Variants in SLC17A7 observed in about 807,000 individuals in gnomAD.
The protein encoded by SLC17A7 is vesicular glutamate transporter 1.
Under a neutral mutation model 59.1 loss-of-function variants are expected in SLC17A7, and 15 were observed. That is an observed-to-expected ratio of 0.25 (90% confidence interval 0.17 to 0.39). The LOEUF is 0.39. Among genes scored for constraint, SLC17A7 ranks in the 10% least tolerant of loss-of-function variants. SLC17A7 has a pLI of 1.00. For synonymous variants in SLC17A7, 353 were observed against 308.9 expected (o/e 1.14, Z -1.50); for missense variants, 499 against 765.1 (o/e 0.65, Z 4.10).
rs74182054 is a variant in SLC17A7, at chr19:49,431,458, C to CG, written c.1151-11dup. 3.4e-4 allele frequency: 542 copies of CG among 1,601,292 alleles called. No individual in the cohort carries two copies. Among genetic ancestry groups the CG allele is most frequent in the South Asian group, 1.0e-3 (92 of 90,418 alleles). ...GCTTCCATGCCGAAGCCTACGGGGGCGGGGGGGGCCCGCGTCTCCTGAGTG... is the reference window on the plus strand; with the variant it reads ...GCTTCCATGCCGAAGCCTACGGGGGCGGGGGGGGGCCCGCGTCTCCTGAGTG... On this transcript the variant is annotated splice_polypyrimidine_tract_variant and intron_variant, in intron 9 of 11. Coordinates refer to ENST00000221485, the MANE Select transcript of SLC17A7 (RefSeq NM_020309.4). This position sits in a 1 kb window ranked among gnomAD's most constrained non-coding sequence, Gnocchi z 4.6.
In SLC17A7 at chr19:49,436,951, C is replaced by T; in HGVS notation, c.63-150G>A. 3 of 1,156,220 alleles carry T rather than the reference C, an allele frequency of 2.6e-6. No individual in the cohort carries two copies. The highest frequency in any genetic ancestry group is 3.6e-6 in the Non-Finnish European group (3 of 843,928). The allele number at this position is 1,156,220 out of a possible 1,614,324, so 71.6% of individuals were successfully genotyped here. On this transcript the variant is annotated intron_variant, in intron 1 of 11. Transcript: ENST00000221485. The surrounding 1 kb of genome is among the most constrained non-coding windows in gnomAD (Gnocchi z 4.1). ...CACCAAGAGTCCAGGTCCCTGGCTCCCTTCGCCCCCCTGATCCAGAAATCC... is the reference window on the plus strand; with the variant it reads ...CACCAAGAGTCCAGGTCCCTGGCTCTCTTCGCCCCCCTGATCCAGAAATCC...
At chr19:49,434,502 G>A in intron 5 of SLC17A7, 100 bp downstream of exon 5, 1 of 1,133,374 alleles carries the variant, frequency 8.8e-7, no homozygotes, top group Non-Finnish European at 1.2e-6. Context: ...CTCAGACACA[G>A]GAGTTCAGCC....
At position 49,432,577 on chromosome 19, in the gene SLC17A7, G is replaced by C; in HGVS notation, c.1092C>G (p.Phe364Leu). The change falls in exon 9 of 12, where the codon TTC becomes TTG. Residue 364 changes from phenylalanine (F) to leucine (L), a missense_variant. Physicochemically the swap from Phe to Leu is conservative, Grantham distance 22. Around this residue, in one of 3 missense-constraint regions of SLC17A7, gnomAD observed 323 missense variants for 607.2 expected, o/e 0.53. Transcript: ENST00000221485. ...IVPIGGQIAD[F>L]LRSRRIMSTT... ...TGGACATGATGCGGCGGCTCCGCAG[G>C]AAGTCCGCGATCTGGCCGCCGATGG... 6.2e-7 allele frequency: 1 copy of C among 1,611,314 alleles called. No homozygotes were observed. The highest frequency in any genetic ancestry group is 8.5e-7 in the Non-Finnish European group (1 of 1,179,270).
At position 49,432,666 on chromosome 19, in the gene SLC17A7, G is replaced by A. The variant is rs2078965209; in HGVS notation, c.1018-15C>T. 6.9e-7 allele frequency: 1 copy of A among 1,459,202 alleles called. No homozygotes were observed. Among genetic ancestry groups the A allele is most frequent in the Non-Finnish European group, 9.0e-7 (1 of 1,110,462 alleles). 90.4% of individuals were successfully genotyped at this position (1,459,202 alleles called of 1,614,324 possible). On this transcript the variant is annotated splice_polypyrimidine_tract_variant and intron_variant, in intron 8 of 11. Transcript: ENST00000221485. ...ACCAGGCCTACCTGCGGGAACAGGT[G>A]TACAGGGACACTAGGGTTCGGGGCC...
At chr19:49,430,906 G>A in intron 11 of SLC17A7, 94 bp from the exon 12 acceptor site, 7 of 1,553,324 alleles carry the variant, frequency 4.5e-6, no homozygotes, top group Non-Finnish European at 6.1e-6. Flanking sequence ...CAGAGACCCA[G>A]GGAGGCTGAA....
In SLC17A7 at chr19:49,439,061, TC is replaced by T. The variant is rs750887127; in HGVS notation, c.62+2256del. 7.9e-5 allele frequency among the ~76,000 whole-genome samples: 12 copies of T among 151,668 alleles called. No homozygotes were observed. The East Asian group carries it at 2.3e-3, about 29-fold the overall frequency. ...AGAGAAGGGAGACCCTAGATGTAAA[TC>T]CCCCTCCCCTCCCTGGATACCCCAA... On this transcript the variant is annotated intron_variant, in intron 1 of 11. Transcript: ENST00000221485.
At chr19:49,435,450 G>A (rs1246789037) in intron 2 of SLC17A7, 164 bp from the exon 3 acceptor site, 2 of 613,442 alleles carry the variant, frequency 3.3e-6, no homozygotes, top group East Asian at 5.5e-5. Flanking sequence ...GTCAATTAAA[G>A]TCTACAAACT....
Position 49,433,936 on chromosome 19 carries a change from GA to G in SLC17A7, c.724+23del, listed in dbSNP as rs754254813. 6.2e-7 allele frequency: 1 copy of G among 1,613,382 alleles called. No individual in the cohort carries two copies. The highest frequency in any genetic ancestry group is 8.5e-7 in the Non-Finnish European group (1 of 1,179,730). ...CCCCGCTCCGCCCCAGCGCCACCCGGAACCAGGCATCCGGGTCCCTCACCGT... is the reference window on the plus strand; with the variant it reads ...CCCCGCTCCGCCCCAGCGCCACCCGGACCAGGCATCCGGGTCCCTCACCGT... On this transcript the variant is annotated intron_variant, in intron 6 of 11. Transcript: ENST00000221485. The surrounding 1 kb of genome is among the most constrained non-coding windows in gnomAD (Gnocchi z 5.7).
At position 49,434,945 on chromosome 19, in the gene SLC17A7, C is replaced by A. The variant is rs945400599; in HGVS notation, c.435-63G>T. ...CAGCCATGCCCGGGATTCTGCCTTT[C>A]CCGCCCACAGCAAGCTAGGCCCAGT... On this transcript the variant is annotated intron_variant, in intron 3 of 11. Transcript: ENST00000221485. The A allele has an allele frequency of 2.0e-6, 3 of 1,518,768 alleles. No homozygotes were observed. The Admixed American group carries it at 5.2e-5, about 26-fold the overall frequency. 94.1% of individuals were successfully genotyped at this position (1,518,768 alleles called of 1,614,324 possible).
chr19:49,432,461 A>G, intron 9 of SLC17A7, 58 bp downstream of exon 9: 3 of 1,568,300 alleles, frequency 1.9e-6, no homozygotes, highest in Non-Finnish European at 8.7e-7. Flanking sequence ...TCACCTCTCA[A>G]TCCGGCTCTG....
intron 9 of SLC17A7, 22 bp downstream of exon 9, chr19:49,432,497 G>C (rs554689431): frequency 1.3e-5 from 21 of 1,607,948 alleles, no homozygotes; most frequent in Middle Eastern, 3.3e-4. Flanking sequence ...CCTAGAGCCG[G>C]CCCAGGCCCC....
At position 49,441,414 on chromosome 19, in the gene SLC17A7, C is replaced by T. The variant is rs566307306; in HGVS notation, c.-35G>A. The T allele has an allele frequency of 1.4e-6, 2 of 1,444,368 alleles. No individual in the cohort carries two copies. Among genetic ancestry groups the T allele is most frequent in the Middle Eastern group, 1.8e-4 (1 of 5,420 alleles). The allele number at this position is 1,444,368 out of a possible 1,614,324, so 89.5% of individuals were successfully genotyped here. A position where few individuals can be genotyped will look rare whatever the true frequency, so the allele number is the denominator to read the frequency against. ...TCCTGCCGCCGGTCACCCCGCGGGT[C>T]CCCCCCGCCGATCCCCCCGCCCGCG... On this transcript the variant is annotated 5_prime_UTR_variant, in exon 1 of 12. Transcript: ENST00000221485.
chr19:49,430,610 G>A lies in SLC17A7; in HGVS notation c.1592C>T (p.Pro531Leu), dbSNP rs770176188. 7 of 1,613,400 alleles carry A rather than the reference G, an allele frequency of 4.3e-6. No individual in the cohort carries two copies. Among genetic ancestry groups the A allele is most frequent in the Non-Finnish European group, 1.7e-6 (2 of 1,179,702 alleles). The change falls in exon 12 of 12, where the codon CCG becomes CTG. Residue 531 changes from proline to leucine, a missense_variant. Pro to Leu is a moderately conservative substitution (Grantham distance 98, BLOSUM62 -3). This residue lies in a region of SLC17A7 where 98 missense variants were observed against 77.5 expected (regional missense o/e 1.27). Coordinates refer to ENST00000221485, the MANE Select transcript of SLC17A7 (RefSeq NM_020309.4). ...DSEMEDEAEP[P>L]GAPPAPPPSY... The stretch of plus-strand genomic sequence containing the variant: ...GGGCGGGGGTGCAGGGGGTGCCCCC[G>A]GGGGCTCAGCCTCATCCTCCATTTC...
In SLC17A7 at chr19:49,431,835, C is replaced by T. The variant is rs1241942788; in HGVS notation, c.1151-387G>A. Among the ~76,000 whole-genome samples, 1 of 151,944 alleles carries T rather than the reference C, an allele frequency of 6.6e-6. No individual in the cohort carries two copies. Among genetic ancestry groups the T allele is most frequent in the Non-Finnish European group, 1.5e-5 (1 of 68,006 alleles). On this transcript the variant is annotated intron_variant, in intron 9 of 11. Coordinates refer to ENST00000221485, the MANE Select transcript of SLC17A7 (RefSeq NM_020309.4). This position sits in a 1 kb window ranked among gnomAD's most constrained non-coding sequence, Gnocchi z 4.6. ...TTATTTTTTTTAAGAGACAAAGTCT[C>T]ACGACGTTGCCCAGGCTGGTCTCAA...
chr19:49,430,795 C>T lies in SLC17A7; in HGVS notation c.1407G>A (p.Gln469=), dbSNP rs776498587. Residue 469 remains glutamine, a synonymous_variant, in exon 12 of 12, where the codon CAG becomes CAA. Coordinates refer to ENST00000221485, the MANE Select transcript of SLC17A7 (RefSeq NM_020309.4). ...MTKHKTREEW[Q]YVFLIASLVH... Reference sequence around the variant, plus strand: ...CCAGGGAGGCAATTAGGAACACGTACTGCCACTCCTCCCGAGTCTGCAGGG... The same window carrying T: ...CCAGGGAGGCAATTAGGAACACGTATTGCCACTCCTCCCGAGTCTGCAGGG... 4.3e-6 allele frequency: 7 copies of T among 1,611,364 alleles called. No homozygotes were observed. The highest frequency in any genetic ancestry group is 5.9e-6 in the Non-Finnish European group (7 of 1,178,212).
chr19:49,432,495 C>A, intron 9 of SLC17A7, 24 bp downstream of exon 9: 1 of 1,607,046 alleles, frequency 6.2e-7, no homozygotes, highest in Non-Finnish European at 8.5e-7. Context: ...GTCCTAGAGC[C>A]GGCCCAGGCC....
chr19:49,440,700 G>C (rs1282549813), intron 1 of SLC17A7, among the ~76,000 whole-genome samples: 4 of 152,148 alleles, frequency 2.6e-5, no homozygotes, highest in Non-Finnish European at 4.4e-5. Context: ...AGACAGAAAC[G>C]GAAAAAGACA....
At chr19:49,434,577 G>C (rs769952067) in intron 5 of SLC17A7, 25 bp downstream of exon 5, 26 of 1,586,128 alleles carry the variant, frequency 1.6e-5, no homozygotes, top group Middle Eastern at 1.8e-4. Flanking sequence ...TCAGATTCAG[G>C]AGTGAGGATC....
Position 49,433,927 on chromosome 19 carries a change from C to A in SLC17A7, c.724+33G>T. On this transcript the variant is annotated intron_variant, in intron 6 of 11. Transcript: ENST00000221485. This position sits in a 1 kb window ranked among gnomAD's most constrained non-coding sequence, Gnocchi z 5.7. ...GAGGACCGGCCCCGCTCCGCCCCAGCGCCACCCGGAACCAGGCATCCGGGT... is the reference window on the plus strand; with the variant it reads ...GAGGACCGGCCCCGCTCCGCCCCAGAGCCACCCGGAACCAGGCATCCGGGT... The A allele has an allele frequency of 3.1e-6, 5 of 1,613,246 alleles. No homozygotes were observed. The highest frequency in any genetic ancestry group is 4.2e-6 in the Non-Finnish European group (5 of 1,179,698).
Sources: gnomAD v4.1 joint callset for allele counts (sites outside exome capture counted in the v4.1 genomes callset) on GRCh38, gnomAD v4.1.1 for gene constraint, gnomAD v4.1.1 regional missense constraint, Gnocchi (gnomAD v3.1) non-coding constraint, MANE v1.5 for transcripts, NCBI Gene and HGNC (gene_info 2026-07-23, HGNC 2026-07-21) for gene names.